KDM4C: variants seen among roughly 807,000 people sequenced by gnomAD.
The protein encoded by KDM4C is lysine demethylase 4C.
KDM4C carries 81 observed loss-of-function variants against 129.3 expected under a neutral mutation model. That is an observed-to-expected ratio of 0.63 (90% CI 0.52 to 0.75). The LOEUF (loss-of-function observed/expected upper bound fraction) is 0.75. KDM4C is among the 30% of genes least tolerant of loss of function. The pLI, the probability that KDM4C is intolerant of heterozygous loss-of-function variation, is 0.00. For synonymous variants in KDM4C, 573 were observed against 456.1 expected, an observed-to-expected ratio of 1.26 and a Z score of -3.26; for missense variants, 1,457 against 1,304.0, an observed-to-expected ratio of 1.12 and a Z score of -1.81.
intron 1 of KDM4C, among the ~76,000 whole-genome samples, chr9:6,741,450 G>A (rs957473250): frequency 5.9e-5 from 9 of 151,968 alleles, no homozygotes; most frequent in East Asian, 1.9e-4. Flanking sequence ...CTATTTACCC[G>A]GGTACATGCT....
rs77918525 is a variant in KDM4C at position 7,132,101 on chromosome 9, G to A, written c.2781+3865G>A. On this transcript the variant is annotated intron_variant, in intron 19 of 21. Transcript: ENST00000381309. ...TACTGGTTAACTAGAACTGCTTTAAGGGTACAGTGCAATTTCAGTTTCCTA... is the reference window on the plus strand; with the variant it reads ...TACTGGTTAACTAGAACTGCTTTAAAGGTACAGTGCAATTTCAGTTTCCTA... Among the ~76,000 whole-genome samples the A allele has an allele frequency of 4.7e-3, 718 of 152,330 alleles. 4 individuals carry two copies. Among genetic ancestry groups the A allele is most frequent in the African/African-American group, 0.016 (680 of 41,568 alleles).
chr9:6,833,533 G>A (rs982819540), intron 4 of KDM4C, among the ~76,000 whole-genome samples: 3 of 152,150 alleles, frequency 2.0e-5, no homozygotes, highest in Non-Finnish European at 2.9e-5. Flanking sequence ...CTTGAACCCC[G>A]GCCCTGTGAT....
chr9:6,867,014 TA>T (rs1281182248), intron 5 of KDM4C, among the ~76,000 whole-genome samples: 16 of 56,668 alleles, frequency 2.8e-4, no homozygotes, highest in African/African-American at 8.9e-4. Context: ...TATATATATA[TA>T]TATTTTTTTT....
rs1554633823 is a variant in KDM4C at position 6,899,542 on chromosome 9, G to GTGT, written c.921+6310_921+6311insTGT. The stretch of plus-strand genomic sequence containing the variant: ...GAGTCCTCTGTGCCTTTTCCATGGG[G>GTGT]GTGTGTGTGTGTGTGTGTGTGTGTG... On this transcript the variant is annotated intron_variant, in intron 8 of 21. Coordinates refer to ENST00000381309, the MANE Select transcript of KDM4C (RefSeq NM_015061.6). 3.9e-3 allele frequency among the ~76,000 whole-genome samples: 582 copies of GTGT among 150,146 alleles called. 4 individuals are homozygous for GTGT. Among genetic ancestry groups the GTGT allele is most frequent in the African/African-American group, 0.01 (419 of 40,854 alleles).
chr9:7,110,623 A>G (rs1256999934), intron 18 of KDM4C, among the ~76,000 whole-genome samples: 2 of 152,150 alleles, frequency 1.3e-5, no homozygotes, highest in Non-Finnish European at 2.9e-5. Context: ...TATGGTGCAC[A>G]TACTCTTCCA....
At chr9:7,039,371 C>G (rs1345836372) in intron 15 of KDM4C, among the ~76,000 whole-genome samples, 1 of 151,894 alleles carries the variant, frequency 6.6e-6, no homozygotes, top group Non-Finnish European at 1.5e-5. Context: ...ATTTATAAGT[C>G]TAATTTCAAT....
At chr9:7,022,167 A>AT (rs76948120) in intron 15 of KDM4C, among the ~76,000 whole-genome samples, 6 of 151,396 alleles carry the variant, frequency 4.0e-5, no homozygotes, top group African/African-American at 1.5e-4. Flanking sequence ...AAATTTTAGG[A>AT]TTTTTTTTCT....
chr9:6,862,128 T>A (rs1454937430), intron 5 of KDM4C, among the ~76,000 whole-genome samples: 1 of 152,202 alleles, frequency 6.6e-6, no homozygotes, highest in East Asian at 1.9e-4. Flanking sequence ...CTAATATAAT[T>A]TTCTAATCAG....
intron 5 of KDM4C, among the ~76,000 whole-genome samples, chr9:6,856,569 TGTGTGTGTGTGTA>T (rs1839868761): frequency 7.3e-6 from 1 of 137,406 alleles, no homozygotes; most frequent in Admixed American, 7.2e-5. Flanking sequence ...TGTGTGTGTG[TGTGTGTGTGTGTA>T]TTTTTTTTTG....
intron 4 of KDM4C, among the ~76,000 whole-genome samples, chr9:6,823,211 C>T (rs992888463): frequency 6.6e-6 from 1 of 152,174 alleles, no homozygotes; most frequent in Non-Finnish European, 1.5e-5. Context: ...TCCTCTCATC[C>T]TCATCTCTAT....
intron 17 of KDM4C, among the ~76,000 whole-genome samples, chr9:7,079,552 C>A (rs1834296286): frequency 6.6e-6 from 1 of 152,206 alleles, no homozygotes. Flanking sequence ...GAACTCCTGA[C>A]CTCAAGTGAT....
chr9:6,911,919 T>C (rs1819390631), intron 8 of KDM4C, among the ~76,000 whole-genome samples: 1 of 152,168 alleles, frequency 6.6e-6, no homozygotes, highest in Admixed American at 6.5e-5. Context: ...TCTTAGGTCA[T>C]GAGGCCCTTC....
intron 8 of KDM4C, 105 bp downstream of exon 8, chr9:6,893,337 C>T (rs1213340840): frequency 1.2e-5 from 10 of 829,916 alleles, no homozygotes; most frequent in East Asian, 5.8e-5. Context: ...TCCTCACTGG[C>T]GCCATGTGCC....
At chr9:6,961,076 T>G (rs889329235) in intron 8 of KDM4C, among the ~76,000 whole-genome samples, 2 of 152,226 alleles carry the variant, frequency 1.3e-5, no homozygotes, top group African/African-American at 4.8e-5. Flanking sequence ...TTAAACACCA[T>G]GTAGTGCCTC....
At chr9:6,863,780 C>T (rs891469914) in intron 5 of KDM4C, among the ~76,000 whole-genome samples, 1 of 134,126 alleles carries the variant, frequency 7.5e-6, no homozygotes, top group Non-Finnish European at 1.5e-5. Flanking sequence ...GGCGACACAG[C>T]GAGACTCCAT....
intron 17 of KDM4C, among the ~76,000 whole-genome samples, chr9:7,088,139 G>C (rs940008835): frequency 6.6e-6 from 1 of 152,212 alleles, no homozygotes; most frequent in East Asian, 1.9e-4. Context: ...CCTGAGAGCA[G>C]TGTTTGGCTC....
intron 15 of KDM4C, among the ~76,000 whole-genome samples, chr9:7,029,994 C>T (rs1779039518): frequency 6.6e-6 from 1 of 152,026 alleles, no homozygotes; most frequent in Admixed American, 6.6e-5. Context: ...TCTTGGAGGT[C>T]AGGCAGGGTA....
intron 17 of KDM4C, among the ~76,000 whole-genome samples, chr9:7,054,338 C>T (rs1334854091): frequency 6.6e-6 from 1 of 152,080 alleles, no homozygotes; most frequent in Non-Finnish European, 1.5e-5. Flanking sequence ...TTCTTATTTT[C>T]TCTACTAGTA....
At chr9:6,888,882 G>A (rs1397955090) in intron 7 of KDM4C, among the ~76,000 whole-genome samples, 1 of 36,350 alleles carries the variant, frequency 2.8e-5, no homozygotes, top group Non-Finnish European at 5.5e-5. Flanking sequence ...CCGCCTCCCG[G>A]GTTCACGCCA....
Sources: allele counts gnomAD v4.1 joint callset (sites outside exome capture counted in the v4.1 genomes callset), GRCh38; gene constraint gnomAD v4.1.1; transcripts MANE v1.5; gene names NCBI Gene and HGNC (gene_info 2026-07-23, HGNC 2026-07-21).